Variants in EXOC4 observed in about 807,000 individuals in gnomAD.
The protein encoded by EXOC4 is SEC8-like 1.
In EXOC4, 71 loss-of-function variants were observed where a neutral mutation model predicts 107.2. That is an observed-to-expected ratio of 0.66 (90% CI 0.55 to 0.81). EXOC4 has a LOEUF of 0.81. Ranked by LOEUF, EXOC4 falls within the 30% of genes least tolerant of loss-of-function variation. The pLI, the probability that EXOC4 is intolerant of heterozygous loss-of-function variation, is 0.00. For synonymous variants in EXOC4, 456 were observed against 441.2 expected (o/e 1.03, Z -0.42); for missense variants, 1,108 against 1,189.6 (o/e 0.93, Z 1.01).
chr7:133,378,172 G>T (rs1796531072), intron 7 of EXOC4, among the ~76,000 whole-genome samples: 1 of 151,950 alleles, frequency 6.6e-6, no homozygotes, highest in East Asian at 1.9e-4. Context: ...TTAACTGGGT[G>T]TGGTGTCTGG....
chr7:133,834,700 T>C (rs1414149471), intron 11 of EXOC4, among the ~76,000 whole-genome samples: 4 of 152,228 alleles, frequency 2.6e-5, no homozygotes, highest in Admixed American at 1.3e-4. Context: ...ACAGCCAGCA[T>C]GACAAGAAAT....
chr7:133,688,090 GT>G (rs549988919), intron 10 of EXOC4, among the ~76,000 whole-genome samples: 2 of 152,236 alleles, frequency 1.3e-5, no homozygotes, highest in Admixed American at 6.5e-5. Flanking sequence ...TGAACTCAGA[GT>G]TAAAATCGTG....
intron 17 of EXOC4, among the ~76,000 whole-genome samples, chr7:134,041,241 T>C (rs909719855): frequency 4.6e-5 from 7 of 152,230 alleles, no homozygotes; most frequent in Non-Finnish European, 8.8e-5. Context: ...GCTGACTCTC[T>C]CTTCTTTAGA....
At chr7:133,255,729 C>T (rs1057284937) in intron 1 of EXOC4, among the ~76,000 whole-genome samples, 4 of 152,092 alleles carry the variant, frequency 2.6e-5, no homozygotes, top group Admixed American at 6.6e-5. Context: ...CTGTTATTTC[C>T]TTCCTAATAT....
At chr7:133,512,439 A>G (rs1033921461) in intron 9 of EXOC4, among the ~76,000 whole-genome samples, 1 of 152,040 alleles carries the variant, frequency 6.6e-6, no homozygotes, top group African/African-American at 2.4e-5. Context: ...AAAAAAAAAA[A>G]AGAAAATACA....
chr7:133,404,893 C>G lies in EXOC4; in HGVS notation c.1182+29891C>G, dbSNP rs1383950545. Among the ~76,000 whole-genome samples, 47 of 34,756 alleles carry G rather than the reference C, an allele frequency of 1.4e-3. No individual in the cohort carries two copies. In the East Asian group the frequency reaches 0.066, roughly 49 times the overall value. The allele number at this position is 34,756 out of a possible 152,430, so 22.8% of individuals were successfully genotyped here. A position where few individuals can be genotyped will look rare whatever the true frequency, so the allele number is the denominator to read the frequency against. On this transcript the variant is annotated intron_variant, in intron 7 of 17. Transcript: ENST00000253861. The stretch of plus-strand genomic sequence containing the variant: ...TGCGCCCCCCCCCCCAATACACACA[C>G]ACACACACACGCACACACACACACA...
chr7:133,384,940 A>G (rs927094682), intron 7 of EXOC4, among the ~76,000 whole-genome samples: 4 of 152,020 alleles, frequency 2.6e-5, no homozygotes, highest in Admixed American at 6.6e-5. Flanking sequence ...TCTACTTGAC[A>G]TGGCATTGGC....
chr7:133,576,372 CTTGTTTCTTTCATT>C lies in EXOC4; in HGVS notation c.1418-53670_1418-53657del. ...CACCTTAAGAAAAGTGATTGGTTGG[CTTGTTTCTTTCATT>C]TTAATCTGTTGTCTCCGTCACAGTC... On this transcript the variant is annotated intron_variant, in intron 9 of 17. Transcript: ENST00000253861. 4.9e-6 allele frequency: 4 copies of C among 823,678 alleles called. No homozygotes were observed. The South Asian group carries it at 5.4e-5, about 11-fold the overall frequency. The allele number at this position is 823,678 out of a possible 1,614,324, so 51.0% of individuals were successfully genotyped here.
At chr7:133,832,970 A>G (rs566506828) in intron 11 of EXOC4, among the ~76,000 whole-genome samples, 20 of 152,282 alleles carry the variant, frequency 1.3e-4, no homozygotes, top group African/African-American at 4.8e-4. Context: ...AAGTAAAAAT[A>G]CTTAAATCAT....
intron 7 of EXOC4, among the ~76,000 whole-genome samples, chr7:133,472,796 A>G (rs1436336805): frequency 1.7e-4 from 26 of 152,148 alleles, no homozygotes; most frequent in Admixed American, 1.5e-3. Context: ...AAGTGGGTGG[A>G]TAGGAATAGA....
chr7:133,677,571 G>A (rs1201005813), intron 10 of EXOC4, among the ~76,000 whole-genome samples: 1 of 152,060 alleles, frequency 6.6e-6, no homozygotes, highest in East Asian at 1.9e-4. Flanking sequence ...TTTTAATTTG[G>A]CTTTTTCTTT....
intron 9 of EXOC4, among the ~76,000 whole-genome samples, chr7:133,553,853 T>C (rs946655223): frequency 3.3e-5 from 5 of 152,314 alleles, no homozygotes; most frequent in Non-Finnish European, 7.4e-5. Context: ...TCACGTAACA[T>C]GTCACCAGTT....
chr7:133,612,411 A>T (rs1484650287), intron 9 of EXOC4, among the ~76,000 whole-genome samples: 1 of 152,092 alleles, frequency 6.6e-6, no homozygotes, highest in Non-Finnish European at 1.5e-5. Context: ...ACTCAGAAGG[A>T]GGTAGTTGCG....
intron 14 of EXOC4, among the ~76,000 whole-genome samples, chr7:133,984,010 A>T (rs1794056074): frequency 6.6e-6 from 1 of 152,242 alleles, no homozygotes; most frequent in African/African-American, 2.4e-5. Context: ...AGGAAAAATC[A>T]ATCGTAATGT....
intron 9 of EXOC4, among the ~76,000 whole-genome samples, chr7:133,627,822 G>A (rs971385947): frequency 6.6e-6 from 1 of 152,086 alleles, no homozygotes; most frequent in African/African-American, 2.4e-5. Context: ...TAAGGGTTGA[G>A]TATGCCATTG....
intron 10 of EXOC4, among the ~76,000 whole-genome samples, chr7:133,641,537 A>C (rs1802854434): frequency 6.6e-6 from 1 of 152,116 alleles, no homozygotes; most frequent in Non-Finnish European, 1.5e-5. Flanking sequence ...GTACAGTCAC[A>C]TTTGTTCCAG....
At position 133,781,123 on chromosome 7, in the gene EXOC4, A is replaced by G. The variant is rs140338196; in HGVS notation, c.1515-36202A>G. 1.8e-4 allele frequency among the ~76,000 whole-genome samples: 27 copies of G among 152,336 alleles called. No homozygotes were observed. The East Asian group carries it at 5.0e-3, about 28-fold the overall frequency. ...TGAAAGAAAATGCTGACTCTTGGAT[A>G]TTATGTCTTTCTATATAATGGAGAT... On this transcript the variant is annotated intron_variant, in intron 10 of 17. Coordinates refer to ENST00000253861, the MANE Select transcript of EXOC4 (RefSeq NM_021807.4).
intron 14 of EXOC4, among the ~76,000 whole-genome samples, chr7:133,979,898 A>T (rs1321988152): frequency 6.6e-6 from 1 of 152,108 alleles, no homozygotes; most frequent in Non-Finnish European, 1.5e-5. Context: ...AATGTTAAAA[A>T]CACTGATTTA....
At chr7:133,604,592 A>G (rs1467891412) in intron 9 of EXOC4, among the ~76,000 whole-genome samples, 4 of 150,642 alleles carry the variant, frequency 2.7e-5, no homozygotes, top group African/African-American at 9.8e-5. Flanking sequence ...AATTAAAATG[A>G]TCTTTTCTTT....
Sources: allele counts gnomAD v4.1 joint callset (sites outside exome capture counted in the v4.1 genomes callset), GRCh38; gene constraint gnomAD v4.1.1; transcripts MANE v1.5; gene names NCBI Gene and HGNC (gene_info 2026-07-23, HGNC 2026-07-21).